The following GREB1L variants were observed in gnomAD, a reference collection of about 807,000 sequenced individuals.
The protein encoded by GREB1L is GREB1 like retinoic acid receptor coactivator.
A neutral mutation model predicts 200.8 loss-of-function variants in GREB1L; 17 were observed. That is an observed-to-expected ratio of 0.08 (90% CI 0.06 to 0.13). The LOEUF is 0.13. Among genes scored for constraint, GREB1L ranks in the 10% least tolerant of loss-of-function variants. The pLI, the probability that GREB1L is intolerant of heterozygous loss-of-function variation, is 1.00. For synonymous variants in GREB1L, 789 were observed against 893.0 expected, an observed-to-expected ratio of 0.88 and a Z score of 2.08; for missense variants, 1,657 against 2,367.7, an observed-to-expected ratio of 0.70 and a Z score of 6.23.
intron 1 of GREB1L, among the ~76,000 whole-genome samples, chr18:21,365,333 CA>C (rs1279616583): frequency 6.6e-6 from 1 of 152,062 alleles, no homozygotes; most frequent in Non-Finnish European, 1.5e-5. Flanking sequence ...AAGTAGTTTT[CA>C]TTTCACTTTA....
chr18:21,495,554 A>C, intron 19 of GREB1L, 116 bp from the exon 20 acceptor site: 1 of 671,958 alleles, frequency 1.5e-6, no homozygotes. Context: ...ATATGTAAAC[A>C]CTTAGTGGAG....
chr18:21,492,776 C>T (rs926123412), intron 19 of GREB1L, among the ~76,000 whole-genome samples: 3 of 152,136 alleles, frequency 2.0e-5, no homozygotes, highest in Admixed American at 2.0e-4. Context: ...TGCCAGGCAA[C>T]AAGTACGTAT....
At chr18:21,444,501 T>C (rs527563841) in intron 11 of GREB1L, 92 bp downstream of exon 11, 2 of 1,006,766 alleles carry the variant, frequency 2.0e-6, no homozygotes, top group Non-Finnish European at 2.9e-6. Flanking sequence ...TATCCTCCTA[T>C]CTCTTATTTT....
chr18:21,498,026 T>G (rs1296983735), intron 21 of GREB1L, among the ~76,000 whole-genome samples: 4 of 151,934 alleles, frequency 2.6e-5, no homozygotes, highest in Non-Finnish European at 5.9e-5. Context: ...TTCACCATGT[T>G]GGCCAGGCTG....
intron 15 of GREB1L, among the ~76,000 whole-genome samples, chr18:21,455,689 C>A (rs1174334613): frequency 6.8e-5 from 10 of 148,118 alleles, no homozygotes; most frequent in South Asian, 2.2e-4. Context: ...AAAAAAAAAA[C>A]AAAAAAACAA....
At chr18:21,396,591 G>A (rs905309517) in intron 5 of GREB1L, among the ~76,000 whole-genome samples, 42 of 152,066 alleles carry the variant, frequency 2.8e-4, no homozygotes, top group African/African-American at 1.0e-3. Context: ...TCATTCCAAT[G>A]TCATATAGAT....
At chr18:21,268,558 C>CATATATATATAT (rs1244082888) in intron 1 of GREB1L, among the ~76,000 whole-genome samples, 5 of 86,696 alleles carry the variant, frequency 5.8e-5, no homozygotes, top group African/African-American at 1.9e-4. Context: ...CACACACACA[C>CATATATATATAT]ACATATATAT....
chr18:21,359,013 G>GT (rs1422198019), intron 1 of GREB1L, among the ~76,000 whole-genome samples: 3 of 152,212 alleles, frequency 2.0e-5, no homozygotes, highest in Admixed American at 2.0e-4. Context: ...CACCATAAAT[G>GT]TTTTCAATCT....
chr18:21,397,348 CTAAAAAAAACCCCGTCTCTA>C (rs1256886742), intron 5 of GREB1L, among the ~76,000 whole-genome samples: 2 of 151,416 alleles, frequency 1.3e-5, no homozygotes, highest in African/African-American at 4.9e-5. Flanking sequence ...CCCGTCTCTA[CTAAAAAAAACCCCGTCTCTA>C]CCAAAAATTA....
rs541595620 is a variant in GREB1L at position 21,288,849 on chromosome 18, T to G, written c.-120+46456T>G. ...ACCTTCTGGTTTCAAGTGATTCTCCTGCCTCAGCCTCCTGAGCAGCTGGGA... is the reference window on the plus strand; with the variant it reads ...ACCTTCTGGTTTCAAGTGATTCTCCGGCCTCAGCCTCCTGAGCAGCTGGGA... On this transcript the variant is annotated intron_variant, in intron 1 of 32. Transcript: ENST00000424526. Among the ~76,000 whole-genome samples, 6 of 152,226 alleles carry G rather than the reference T, an allele frequency of 3.9e-5. No homozygotes were observed. In the East Asian group the frequency reaches 1.2e-3, roughly 29 times the overall value.
intron 2 of GREB1L, among the ~76,000 whole-genome samples, chr18:21,381,387 G>A (rs564148620): frequency 2.7e-5 from 4 of 150,318 alleles, no homozygotes; most frequent in Non-Finnish European, 5.9e-5. Context: ...CAGCCTGGGC[G>A]ACAGAGTGAG....
intron 1 of GREB1L, among the ~76,000 whole-genome samples, chr18:21,302,351 T>G (rs1442596383): frequency 6.6e-6 from 1 of 152,176 alleles, no homozygotes; most frequent in Non-Finnish European, 1.5e-5. Context: ...TTACAACAAA[T>G]TTAGTTTTAT....
At chr18:21,342,755 G>T (rs1948903537) in intron 1 of GREB1L, among the ~76,000 whole-genome samples, 1 of 152,042 alleles carries the variant, frequency 6.6e-6, no homozygotes, top group East Asian at 1.9e-4. Context: ...TTTTTCATCT[G>T]TCCCCCAAAA....
chr18:21,329,978 G>A (rs1481893691), intron 1 of GREB1L, among the ~76,000 whole-genome samples: 1 of 150,096 alleles, frequency 6.7e-6, no homozygotes, highest in Non-Finnish European at 1.5e-5. Context: ...TTGGGGGGGG[G>A]GGGTCTTTAT....
chr18:21,265,405 G>A (rs1292219171), intron 1 of GREB1L, among the ~76,000 whole-genome samples: 2 of 152,152 alleles, frequency 1.3e-5, no homozygotes, highest in Non-Finnish European at 2.9e-5. Flanking sequence ...ATAAAAAACT[G>A]ATGAGCTTGA....
At chr18:21,274,840 G>A (rs754084753) in intron 1 of GREB1L, among the ~76,000 whole-genome samples, 6 of 151,956 alleles carry the variant, frequency 3.9e-5, no homozygotes, top group Non-Finnish European at 5.9e-5. Flanking sequence ...TGAACTATGA[G>A]TGCGCTACTG....
chr18:21,452,081 A>G lies in GREB1L; in HGVS notation c.1850-2A>G, dbSNP rs1233780702. ...AACCTTCTTATCTCTATTTTGTAAT[A>G]GGCGATGACCTAGACAAGCTGCTGG... is the stretch of plus-strand genomic sequence containing the variant. On this transcript the variant is annotated splice_acceptor_variant, in intron 13 of 32. Transcript: ENST00000424526. LOFTEE classifies it high-confidence loss of function. The G allele has an allele frequency of 6.4e-7, 1 of 1,551,508 alleles. No homozygotes were observed. The highest frequency in any genetic ancestry group is 2.4e-5 in the East Asian group (1 of 40,912).
At chr18:21,460,956 G>C (rs1411750593) in intron 15 of GREB1L, among the ~76,000 whole-genome samples, 1 of 151,854 alleles carries the variant, frequency 6.6e-6, no homozygotes, top group Non-Finnish European at 1.5e-5. Context: ...AATTAGCCAA[G>C]CAAGGTGGCA....
chr18:21,289,993 A>C (rs976801219), intron 1 of GREB1L, among the ~76,000 whole-genome samples: 2 of 152,222 alleles, frequency 1.3e-5, no homozygotes, highest in Non-Finnish European at 2.9e-5. Context: ...CAGTGACTGT[A>C]AAAGATGAGA....
Sources: allele counts gnomAD v4.1 joint callset (sites outside exome capture counted in the v4.1 genomes callset), GRCh38; gene constraint gnomAD v4.1.1; transcripts MANE v1.5; gene names NCBI Gene and HGNC (gene_info 2026-07-23, HGNC 2026-07-21).